The following IMMP2L variants were observed in gnomAD, a reference collection of about 807,000 sequenced individuals.
The protein encoded by IMMP2L is mitochondrial inner membrane protease subunit 2.
IMMP2L carries 18 observed loss-of-function variants against 19.3 expected under a neutral mutation model. That is an observed-to-expected ratio of 0.93 (90% CI 0.64 to 1.38). IMMP2L has a LOEUF of 1.38. Ranked by LOEUF, IMMP2L falls within the 40% of genes most tolerant of loss-of-function variation. IMMP2L has a pLI of 0.00. For missense variants in IMMP2L, 233 were observed against 218.2 expected (o/e 1.07, Z -0.43); for synonymous variants, 76 against 73.0 (o/e 1.04, Z -0.21).
chr7:111,107,141 G>A (rs1798636155), intron 3 of IMMP2L, among the ~76,000 whole-genome samples: 1 of 148,506 alleles, frequency 6.7e-6, no homozygotes, highest in Admixed American at 6.8e-5. Flanking sequence ...AAAGATAGGT[G>A]GGAGAGATTC....
At position 110,669,098 on chromosome 7, in the gene IMMP2L, T is replaced by TAG. The variant is rs1400627237; in HGVS notation, c.409-5378_409-5377insCT. ...GTGTGTGTGTGTGTGTGTATATGTA[T>TAG]ATATATATATAGAGAGAGAGAGAGA... On this transcript the variant is annotated intron_variant, in intron 5 of 5. Coordinates refer to ENST00000405709, the MANE Select transcript of IMMP2L (RefSeq NM_032549.4). Among the ~76,000 whole-genome samples, 337 of 126,996 alleles carry TAG rather than the reference T, an allele frequency of 2.7e-3. 1 individual carries two copies. The highest frequency in any genetic ancestry group is 0.013 in the African/African-American group (307 of 24,436). The allele number at this position is 126,996 out of a possible 152,430, so 83.3% of individuals were successfully genotyped here.
intron 3 of IMMP2L, among the ~76,000 whole-genome samples, chr7:111,073,527 C>G (rs1306044194): frequency 3.3e-5 from 5 of 152,172 alleles, no homozygotes; most frequent in African/African-American, 1.2e-4. Context: ...CAGCCATATT[C>G]TCTCTTCCTG....
intron 3 of IMMP2L, among the ~76,000 whole-genome samples, chr7:111,470,967 A>C (rs1841206274): frequency 6.6e-6 from 1 of 152,022 alleles, no homozygotes; most frequent in Admixed American, 6.6e-5. Flanking sequence ...CCAAGAAAAA[A>C]GGATGTAATA....
chr7:111,239,326 C>T (rs915050102), intron 3 of IMMP2L, among the ~76,000 whole-genome samples: 13 of 151,886 alleles, frequency 8.6e-5, no homozygotes, highest in Non-Finnish European at 1.5e-5. Flanking sequence ...CATTCCATCT[C>T]CTAGGCCCTA....
chr7:111,203,904 C>T (rs183324312), intron 3 of IMMP2L, among the ~76,000 whole-genome samples: 94 of 152,156 alleles, frequency 6.2e-4, no homozygotes, highest in Middle Eastern at 3.4e-3. Context: ...ACATTGGTTA[C>T]CCTTGTAAGA....
At chr7:111,027,017 C>G (rs556211058) in intron 3 of IMMP2L, among the ~76,000 whole-genome samples, 1 of 152,210 alleles carries the variant, frequency 6.6e-6, no homozygotes, top group Non-Finnish European at 1.5e-5. Flanking sequence ...AGTTTTCTGT[C>G]CTTGTCACAT....
chr7:111,357,417 T>C (rs1241912864), intron 3 of IMMP2L, among the ~76,000 whole-genome samples: 1 of 152,058 alleles, frequency 6.6e-6, no homozygotes, highest in African/African-American at 2.4e-5. Context: ...TTAACTATCC[T>C]CAAATGACCA....
At position 111,063,421 on chromosome 7, in the gene IMMP2L, C is replaced by G. The variant is rs149971372; in HGVS notation, c.240-99856G>C. Among the ~76,000 whole-genome samples the G allele has an allele frequency of 7.5e-3, 1,144 of 152,302 alleles. 14 individuals are homozygous for G. Among genetic ancestry groups the G allele is most frequent in the African/African-American group, 0.025 (1,025 of 41,576 alleles). On this transcript the variant is annotated intron_variant, in intron 3 of 5. Transcript: ENST00000405709. The stretch of plus-strand genomic sequence containing the variant: ...GCTGGGCCTGTGATGGGACAGGCTG[C>G]TGTGAAGACTTCTGACATGCCCTGA...
rs376825194 is a variant in IMMP2L, at chr7:111,469,235, C to T, written c.239+18003G>A. ...TTGATTTAGGATTGACTTGGCGATG[C>T]GGGCTCTTTTTTGGTTCCATATGAA... is the stretch of plus-strand genomic sequence containing the variant. On this transcript the variant is annotated intron_variant, in intron 3 of 5. Coordinates refer to ENST00000405709, the MANE Select transcript of IMMP2L (RefSeq NM_032549.4). Among the ~76,000 whole-genome samples, 111 of 152,152 alleles carry T rather than the reference C, an allele frequency of 7.3e-4. 3 individuals are homozygous for T. Among genetic ancestry groups the T allele is most frequent in the African/African-American group, 2.4e-3 (101 of 41,540 alleles).
intron 2 of IMMP2L, among the ~76,000 whole-genome samples, chr7:111,501,693 T>G (rs921041132): frequency 6.6e-6 from 1 of 152,124 alleles, no homozygotes; most frequent in Non-Finnish European, 1.5e-5. Context: ...AAAAGAATTT[T>G]CAACCCAGAA....
intron 3 of IMMP2L, among the ~76,000 whole-genome samples, chr7:111,308,247 T>G (rs938678041): frequency 1.3e-5 from 2 of 151,964 alleles, no homozygotes; most frequent in Admixed American, 6.6e-5. Flanking sequence ...GTAAATATTA[T>G]ACACCTTTCA....
chr7:110,981,289 T>C (rs865864949), intron 3 of IMMP2L, among the ~76,000 whole-genome samples: 4 of 152,178 alleles, frequency 2.6e-5, no homozygotes, highest in Non-Finnish European at 4.4e-5. Flanking sequence ...AAGAAAATTA[T>C]TGGGTGTGGC....
At chr7:110,941,672 A>G (rs976889611) in intron 4 of IMMP2L, among the ~76,000 whole-genome samples, 34 of 152,156 alleles carry the variant, frequency 2.2e-4, no homozygotes, top group African/African-American at 8.0e-4. Context: ...CTTAATTGAA[A>G]TACCTTTATG....
chr7:111,164,974 A>T (rs2129607752), intron 3 of IMMP2L, among the ~76,000 whole-genome samples: 1 of 152,190 alleles, frequency 6.6e-6, no homozygotes, highest in Non-Finnish European at 1.5e-5. Flanking sequence ...GGTATCAAGT[A>T]CATTCACATT....
At chr7:110,979,320 C>T (rs1366728757) in intron 3 of IMMP2L, among the ~76,000 whole-genome samples, 2 of 151,866 alleles carry the variant, frequency 1.3e-5, no homozygotes, top group Non-Finnish European at 2.9e-5. Flanking sequence ...TTCTCAAATC[C>T]CCCTTGATTC....
At chr7:111,341,412 T>C (rs2130790231) in intron 3 of IMMP2L, among the ~76,000 whole-genome samples, 1 of 152,190 alleles carries the variant, frequency 6.6e-6, no homozygotes, top group African/African-American at 2.4e-5. Flanking sequence ...TAAACTGCAA[T>C]CAATGTTTAA....
intron 5 of IMMP2L, among the ~76,000 whole-genome samples, chr7:110,741,317 T>C (rs1428640940): frequency 6.6e-6 from 1 of 152,160 alleles, no homozygotes; most frequent in Non-Finnish European, 1.5e-5. Context: ...TAAAATAAAA[T>C]ACAAATAAAT....
At chr7:111,460,032 G>A (rs1159512944) in intron 3 of IMMP2L, among the ~76,000 whole-genome samples, 1 of 152,074 alleles carries the variant, frequency 6.6e-6, no homozygotes, top group Non-Finnish European at 1.5e-5. Context: ...CACCTCTAGA[G>A]GCCCCAGAAG....
chr7:111,204,999 A>G (rs930673674), intron 3 of IMMP2L, among the ~76,000 whole-genome samples: 5 of 152,186 alleles, frequency 3.3e-5, no homozygotes, highest in African/African-American at 1.2e-4. Context: ...AGGAACAGAA[A>G]TTTACTTCTT....
Sources: allele counts gnomAD v4.1 joint callset (sites outside exome capture counted in the v4.1 genomes callset), GRCh38; gene constraint gnomAD v4.1.1; transcripts MANE v1.5; gene names NCBI Gene and HGNC (gene_info 2026-07-23, HGNC 2026-07-21).